The following PPFIA4 variants were observed in gnomAD, a reference collection of about 807,000 sequenced individuals.
The protein encoded by PPFIA4 is PPFI scaffold protein A4.
In PPFIA4, 98 loss-of-function variants were observed where a neutral mutation model predicts 145.7. The ratio of observed to expected loss-of-function variants is 0.67; its 90% confidence interval spans 0.57 to 0.80. The LOEUF (loss-of-function observed/expected upper bound fraction) is 0.80, where lower values mean the gene tolerates loss of function less well. Among genes scored for constraint, PPFIA4 ranks in the 30% least tolerant of loss-of-function variants. The pLI is 0.00. For missense variants in PPFIA4, 1,457 were observed against 1,632.7 expected, an observed-to-expected ratio of 0.89 and a Z score of 1.85; for synonymous variants, 628 against 649.6, an observed-to-expected ratio of 0.97 and a Z score of 0.51.
At chr1:203,076,044 C>T in intron 29 of PPFIA4, 2 of 583,900 alleles carry the variant, frequency 3.4e-6, no homozygotes, top group Admixed American at 3.4e-5. Context: ...TCCTCCCGCC[C>T]CGGGTCTGAC....
chr1:203,062,352 C>T (rs377382226), intron 24 of PPFIA4, among the ~76,000 whole-genome samples: 3 of 150,682 alleles, frequency 2.0e-5, no homozygotes, highest in East Asian at 1.9e-4. Context: ...TGGTGGCGGG[C>T]GCCTGTAGTC....
chr1:203,032,607 ATTTT>A (rs144372683), intron 1 of PPFIA4, among the ~76,000 whole-genome samples: 80 of 121,100 alleles, frequency 6.6e-4, no homozygotes, highest in South Asian at 2.4e-3. Flanking sequence ...CCCAGCTAAC[ATTTT>A]TTTTTTTTTT....
chr1:203,046,060 A>T (rs1021824214), intron 8 of PPFIA4, 73 bp downstream of exon 8: 13 of 1,597,308 alleles, frequency 8.1e-6, no homozygotes, highest in Non-Finnish European at 1.1e-5. Flanking sequence ...CCTACTGGTG[A>T]TGGCTGAGGA....
At chr1:203,058,334 G>C (rs1661120535) in intron 19 of PPFIA4, among the ~76,000 whole-genome samples, 1 of 152,158 alleles carries the variant, frequency 6.6e-6, no homozygotes, top group Admixed American at 6.5e-5. Context: ...GAGGAACATG[G>C]CCACCTCTGC....
At chr1:203,057,158 C>G (rs1175585648) in intron 19 of PPFIA4, among the ~76,000 whole-genome samples, 2 of 152,216 alleles carry the variant, frequency 1.3e-5, no homozygotes, top group African/African-American at 4.8e-5. Context: ...GCTTCTGCCT[C>G]TGCAAGCGTC....
chr1:203,062,189 C>A (rs1571723530), intron 24 of PPFIA4, among the ~76,000 whole-genome samples: 1 of 151,806 alleles, frequency 6.6e-6, no homozygotes, highest in Non-Finnish European at 1.5e-5. Context: ...ATAAAAAAGA[C>A]AGTCTCGGCT....
intron 15 of PPFIA4, among the ~76,000 whole-genome samples, chr1:203,054,778 A>G (rs1660796456): frequency 6.6e-6 from 1 of 152,204 alleles, no homozygotes; most frequent in Non-Finnish European, 1.5e-5. Context: ...TAAAACATTA[A>G]TGATAATGAC....
Position 203,076,518 on chromosome 1 carries a change from C to A in PPFIA4, c.*128C>A. The A allele has an allele frequency of 1.1e-6, 1 of 947,352 alleles. No homozygotes were observed. The highest frequency in any genetic ancestry group is 1.7e-6 in the Non-Finnish European group (1 of 605,502). 58.7% of individuals were successfully genotyped at this position (947,352 alleles called of 1,614,324 possible). A position where few individuals can be genotyped will look rare whatever the true frequency, so the allele number is the denominator to read the frequency against. Reference sequence around the variant, plus strand: ...CCGTGACTTTCCGGTTGCCCTGGATCTCAGAATATATTCGTCCACCCCCTC... The same window carrying A: ...CCGTGACTTTCCGGTTGCCCTGGATATCAGAATATATTCGTCCACCCCCTC... On this transcript the variant is annotated 3_prime_UTR_variant, in exon 30 of 30. Coordinates refer to ENST00000295706, the MANE Select transcript of PPFIA4 (RefSeq NM_001304331.2).
In PPFIA4 at chr1:203,076,333, T is replaced by C. The variant is rs1384562514; in HGVS notation, c.3575-8T>C. ...ACAGTGCGATGCCTGTCTCTCTCTC[T>C]CCCTCAGCTCACTCCCACTATCTCT... On this transcript the variant is annotated splice_polypyrimidine_tract_variant and splice_region_variant and intron_variant, in intron 29 of 29. Transcript: ENST00000295706. The C allele has an allele frequency of 6.2e-7, 1 of 1,604,118 alleles. No individual in the cohort carries two copies. Among genetic ancestry groups the C allele is most frequent in the African/African-American group, 1.3e-5 (1 of 75,050 alleles).
In PPFIA4 at chr1:203,075,685, G is replaced by A. The variant is rs1662480289; in HGVS notation, c.3502G>A (p.Ala1168Thr). Residue 1168 changes from alanine (A) to threonine (T), a missense_variant, in exon 29 of 30, where the codon GCG becomes ACG. By Grantham distance (58) the Ala-to-Thr change is moderately conservative. Transcript: ENST00000295706. The surrounding 1 kb of genome is among the most constrained non-coding windows in gnomAD (Gnocchi z 4.1). ...CAGCGCTTCCGCGGAGACCCTCCCG[G>A]CGGGCTTCCGTGTGTCCACCCTGGG... ...MLSASAETLP[A>T]GFRVSTLGTL... The A allele has an allele frequency of 6.7e-7, 1 of 1,491,898 alleles. No homozygotes were observed. Among genetic ancestry groups the A allele is most frequent in the Non-Finnish European group, 8.9e-7 (1 of 1,118,628 alleles). The allele number at this position is 1,491,898 out of a possible 1,614,324, so 92.4% of individuals were successfully genotyped here.
At chr1:203,044,122 A>G in intron 4 of PPFIA4, 27 bp downstream of exon 4, 2 of 1,551,836 alleles carry the variant, frequency 1.3e-6, no homozygotes, top group Non-Finnish European at 1.7e-6. Flanking sequence ...CAGCCCCCAC[A>G]TCCAGCCAGG....
intron 1 of PPFIA4, among the ~76,000 whole-genome samples, chr1:203,030,485 G>C (rs1241209385): frequency 6.6e-6 from 1 of 152,224 alleles, no homozygotes; most frequent in Non-Finnish European, 1.5e-5. Flanking sequence ...GCCTGGGCTT[G>C]GGAGATGGTG....
At chr1:203,073,930 T>C (rs1662343267) in intron 28 of PPFIA4, among the ~76,000 whole-genome samples, 1 of 152,186 alleles carries the variant, frequency 6.6e-6, no homozygotes, top group South Asian at 2.1e-4. Flanking sequence ...AAGAGCCAGC[T>C]GCCACCTATT....
At chr1:203,033,262 T>C (rs552185019) in intron 1 of PPFIA4, among the ~76,000 whole-genome samples, 8 of 152,180 alleles carry the variant, frequency 5.3e-5, no homozygotes, top group Non-Finnish European at 1.0e-4. Context: ...GCTAGTCGTG[T>C]TGGGGGCCCA....
intron 8 of PPFIA4, 119 bp downstream of exon 8, chr1:203,046,106 G>A (rs1660064803): frequency 1.4e-5 from 21 of 1,548,868 alleles, no homozygotes; most frequent in Non-Finnish European, 1.8e-5. Context: ...TTTGAAAGGG[G>A]AAGTCAGGCG....
At chr1:203,046,172 T>C in intron 8 of PPFIA4, 76 bp from the exon 9 acceptor site, 1 of 1,537,160 alleles carries the variant, frequency 6.5e-7, no homozygotes, top group Non-Finnish European at 8.8e-7. Context: ...TGTCATCTGC[T>C]CTCTGCTGAG....
Position 203,048,780 on chromosome 1 carries a change from A to G in PPFIA4, c.1356+66A>G, listed in dbSNP as rs1434107882. Reference sequence around the variant, plus strand: ...TGGGTGTGGGGCGGGGGGAGGCGGGACTGTGATGGGCGCAGGCGGGGTCTC... The same window carrying G: ...TGGGTGTGGGGCGGGGGGAGGCGGGGCTGTGATGGGCGCAGGCGGGGTCTC... On this transcript the variant is annotated intron_variant, in intron 11 of 29. Transcript: ENST00000295706. This position sits in a 1 kb window ranked among gnomAD's most constrained non-coding sequence, Gnocchi z 5.8. 22 of 1,559,840 alleles carry G rather than the reference A, an allele frequency of 1.4e-5. No individual in the cohort carries two copies. The highest frequency in any genetic ancestry group is 1.9e-5 in the Non-Finnish European group (22 of 1,151,704).
At chr1:203,070,182 C>T (rs1225806864) in intron 27 of PPFIA4, among the ~76,000 whole-genome samples, 9 of 152,174 alleles carry the variant, frequency 5.9e-5, no homozygotes, top group Admixed American at 5.9e-4. Flanking sequence ...GTAGCAGGGA[C>T]ACCTCCCTAT....
At chr1:203,031,213 A>G (rs150784243) in intron 1 of PPFIA4, among the ~76,000 whole-genome samples, 1,549 of 152,202 alleles carry the variant, frequency 0.01, 59 homozygotes, top group Admixed American at 0.07. Context: ...GCATGCCACC[A>G]TGCCCAGCTA....
Sources: allele counts gnomAD v4.1 joint callset (sites outside exome capture counted in the v4.1 genomes callset), GRCh38; gene constraint gnomAD v4.1.1; non-coding constraint Gnocchi (gnomAD v3.1); transcripts MANE v1.5; gene names NCBI Gene and HGNC (gene_info 2026-07-23, HGNC 2026-07-21).